Variants in RNF145 observed in about 807,000 individuals in gnomAD.
RNF145 encodes the protein ring finger protein 145.
Under a neutral mutation model 57.3 loss-of-function variants are expected in RNF145, and 12 were observed. The observed-to-expected ratio is 0.21, with a 90% CI of 0.13 to 0.34. The LOEUF (loss-of-function observed/expected upper bound fraction) is 0.34, where lower values mean the gene tolerates loss of function less well. RNF145 is among the 10% of genes least tolerant of loss of function. The probability of loss-of-function intolerance (pLI) is 1.00; values close to 1 mark genes in which losing one functional copy is unlikely to be tolerated. For synonymous variants in RNF145, 262 were observed against 288.3 expected, an observed-to-expected ratio of 0.91 and a Z score of 0.92; for missense variants, 429 against 799.0, an observed-to-expected ratio of 0.54 and a Z score of 5.58.
intron 6 of RNF145, 102 bp from the exon 7 acceptor site, chr5:159,169,921 A>C: frequency 1.0e-6 from 1 of 956,346 alleles, no homozygotes; most frequent in Non-Finnish European, 1.5e-6. Flanking sequence ...GATACTCATT[A>C]ATTAAAACAT....
intron 2 of RNF145, among the ~76,000 whole-genome samples, chr5:159,199,791 C>T (rs1044861852): frequency 6.6e-6 from 1 of 152,170 alleles, no homozygotes; most frequent in African/African-American, 2.4e-5. Context: ...CCCTATTCTA[C>T]CTTACCAATA....
intron 3 of RNF145, among the ~76,000 whole-genome samples, chr5:159,189,591 G>A (rs1022835429): frequency 1.8e-4 from 27 of 152,194 alleles, no homozygotes; most frequent in Non-Finnish European, 2.6e-4. Context: ...ATTCCACTCC[G>A]AGGTATTTGT....
chr5:159,194,924 C>T, intron 2 of RNF145, 100 bp from the exon 3 acceptor site: 1 of 819,184 alleles, frequency 1.2e-6, no homozygotes, highest in Non-Finnish European at 1.9e-6. Flanking sequence ...AAATAGGTTT[C>T]AGTACTTTCT....
In RNF145 at chr5:159,209,498, C is replaced by CGGCGGCGG. The variant is rs1554148160; in HGVS notation, c.-308_-307insCCGCCGCC. On this transcript the variant is annotated 5_prime_UTR_variant, in exon 1 of 11. An upstream open reading frame in the 5' UTR loses its in-frame stop. Transcript: ENST00000424310. ...GGGCCGAGCCCCTTAGCAGCCGGCGCCGGCGTCGGCGGCCATGGCCTCCTG... is the reference window on the plus strand; with the variant it reads ...GGGCCGAGCCCCTTAGCAGCCGGCGCGGCGGCGGCGGCGTCGGCGGCCATGGCCTCCTG... 7.1e-5 allele frequency: 24 copies of CGGCGGCGG among 339,950 alleles called. No homozygotes were observed. The highest frequency in any genetic ancestry group is 1.9e-4 in the African/African-American group (1 of 5,404). The allele number at this position is 339,950 out of a possible 1,614,324, so 21.1% of individuals were successfully genotyped here.
intron 5 of RNF145, among the ~76,000 whole-genome samples, chr5:159,176,086 A>G (rs1420634776): frequency 2.0e-5 from 3 of 152,150 alleles, no homozygotes; most frequent in African/African-American, 7.2e-5. Flanking sequence ...TCTAAATGAA[A>G]TCTATCATAT....
At chr5:159,185,624 A>T (rs1351196954) in intron 3 of RNF145, among the ~76,000 whole-genome samples, 2 of 152,180 alleles carry the variant, frequency 1.3e-5, no homozygotes, top group African/African-American at 4.8e-5. Context: ...AGAGTCATAA[A>T]ATTCTAACTT....
At chr5:159,185,647 T>C (rs1050848549) in intron 3 of RNF145, among the ~76,000 whole-genome samples, 2 of 152,214 alleles carry the variant, frequency 1.3e-5, no homozygotes, top group African/African-American at 4.8e-5. Flanking sequence ...AACAACAACA[T>C]ATGATTCTCT....
chr5:159,207,451 A>C lies in RNF145; in HGVS notation c.-40+1780T>G. ...TACTTCTACACCTTCCCCCTAAAAA[A>C]GAAAAACAAAAATCATCATTCACCA... On this transcript the variant is annotated intron_variant, in intron 1 of 10. Transcript: ENST00000424310. 7 of 1,470,322 alleles carry C rather than the reference A, an allele frequency of 4.8e-6. No homozygotes were observed. The South Asian group carries it at 8.5e-5, about 18-fold the overall frequency. The allele number at this position is 1,470,322 out of a possible 1,614,324, so 91.1% of individuals were successfully genotyped here.
intron 2 of RNF145, among the ~76,000 whole-genome samples, chr5:159,195,869 A>G (rs1414212611): frequency 6.6e-6 from 1 of 152,210 alleles, no homozygotes; most frequent in Non-Finnish European, 1.5e-5. Flanking sequence ...ATGACACCTG[A>G]GATATATTCC....
At chr5:159,207,639 G>A (rs1785940915) in intron 1 of RNF145, 1 of 1,607,300 alleles carries the variant, frequency 6.2e-7, no homozygotes, top group East Asian at 2.2e-5. Context: ...CTAAGTAAAA[G>A]CCCAGAACTG....
chr5:159,179,596 T>C (rs959156720), intron 4 of RNF145, among the ~76,000 whole-genome samples: 3 of 152,132 alleles, frequency 2.0e-5, no homozygotes, highest in Admixed American at 6.6e-5. Flanking sequence ...CCATGGCCAC[T>C]GATAAGAAGA....
At chr5:159,174,370 C>T (rs1784647722) in intron 5 of RNF145, among the ~76,000 whole-genome samples, 1 of 152,126 alleles carries the variant, frequency 6.6e-6, no homozygotes, top group African/African-American at 2.4e-5. Context: ...ACTTGACACA[C>T]ACTTATCTAA....
At chr5:159,199,696 C>G (rs1210791448) in intron 2 of RNF145, among the ~76,000 whole-genome samples, 1 of 152,142 alleles carries the variant, frequency 6.6e-6, no homozygotes, top group Non-Finnish European at 1.5e-5. Context: ...TGCAGCTCAC[C>G]TGCTCTAAAA....
chr5:159,194,373 T>A (rs546403628), intron 3 of RNF145, among the ~76,000 whole-genome samples: 1 of 152,188 alleles, frequency 6.6e-6, no homozygotes, highest in African/African-American at 2.4e-5. Context: ...GGTTTCACCA[T>A]GTTGGCCAGG....
intron 10 of RNF145, among the ~76,000 whole-genome samples, chr5:159,160,795 C>T (rs1339823999): frequency 6.6e-6 from 1 of 152,172 alleles, no homozygotes; most frequent in African/African-American, 2.4e-5. Flanking sequence ...AATGCTTGTA[C>T]CCTCGGATAC....
Position 159,161,532 on chromosome 5 carries a change from C to T in RNF145, c.1360G>A (p.Val454Met). 6.2e-7 allele frequency: 1 copy of T among 1,613,834 alleles called. No homozygotes were observed. The highest frequency in any genetic ancestry group is 2.2e-5 in the East Asian group (1 of 44,856). Residue 454 changes from valine (V) to methionine (M), a missense_variant, in exon 10 of 11, where the codon GTG (valine) becomes ATG (methionine). Val to Met is a conservative substitution (Grantham distance 21). Around this residue, in one of 4 missense-constraint regions of RNF145, gnomAD observed 216 missense variants for 457.6 expected, o/e 0.47. Transcript: ENST00000424310. ...TCCAGCAGGCGGTAAGTGCCATTCA[C>T]ATAGTAGATGACATCATCCATGTTT... ...VENMDDVIYY[V>M]NGTYRLLEFL...
At chr5:159,192,768 G>T (rs779782533) in intron 3 of RNF145, among the ~76,000 whole-genome samples, 3 of 152,108 alleles carry the variant, frequency 2.0e-5, no homozygotes, top group Admixed American at 6.5e-5. Context: ...GACACCCAAG[G>T]TTATGGAGCA....
chr5:159,168,735 CTTG>C (rs1321305995), intron 8 of RNF145, 135 bp downstream of exon 8: 7 of 473,270 alleles, frequency 1.5e-5, no homozygotes, highest in African/African-American at 1.4e-4. Context: ...AAAACATAAA[CTTG>C]TTGAATTAAC....
intron 5 of RNF145, among the ~76,000 whole-genome samples, 189 bp from the exon 6 acceptor site, chr5:159,174,347 C>T (rs1784647098): frequency 6.6e-6 from 1 of 152,072 alleles, no homozygotes; most frequent in Non-Finnish European, 1.5e-5. Flanking sequence ...ACTAATTTTG[C>T]ATTATTATTA....
Sources: gnomAD v4.1 joint callset for allele counts (sites outside exome capture counted in the v4.1 genomes callset) on GRCh38, gnomAD v4.1.1 for gene constraint, gnomAD v4.1.1 regional missense constraint, MANE v1.5 for transcripts, NCBI Gene and HGNC (gene_info 2026-07-23, HGNC 2026-07-21) for gene names.